CHSY3: variants seen among roughly 807,000 people sequenced by gnomAD.
The protein encoded by CHSY3 is N-acetylgalactosaminyl-proteoglycan 3-beta-glucuronosyltransferase 3.
CHSY3 carries 35 observed loss-of-function variants against 67.2 expected under a neutral mutation model. The observed-to-expected ratio is 0.52, with a 90% CI of 0.40 to 0.69. The LOEUF (loss-of-function observed/expected upper bound fraction) is 0.69, where lower values mean the gene tolerates loss of function less well. Among genes scored for constraint, CHSY3 ranks in the 30% least tolerant of loss-of-function variants. The pLI, the probability that CHSY3 is intolerant of heterozygous loss-of-function variation, is 0.00. For synonymous variants in CHSY3, 474 were observed against 434.7 expected, an observed-to-expected ratio of 1.09 and a Z score of -1.12; for missense variants, 1,069 against 1,138.5, an observed-to-expected ratio of 0.94 and a Z score of 0.88.
chr5:130,094,201 T>C (rs1033377180), intron 2 of CHSY3, among the ~76,000 whole-genome samples: 3 of 152,132 alleles, frequency 2.0e-5, no homozygotes, highest in African/African-American at 7.2e-5. Context: ...TTTTCATTCC[T>C]TTTCAGTGAA....
At chr5:130,143,163 C>A (rs1249399654) in intron 2 of CHSY3, among the ~76,000 whole-genome samples, 2 of 152,144 alleles carry the variant, frequency 1.3e-5, no homozygotes, top group African/African-American at 2.4e-5. Flanking sequence ...TTGCCTTACC[C>A]ATAAAGAGCT....
At chr5:129,960,236 A>G (rs1168368449) in intron 2 of CHSY3, among the ~76,000 whole-genome samples, 1 of 152,098 alleles carries the variant, frequency 6.6e-6, no homozygotes, top group African/African-American at 2.4e-5. Context: ...GGCATGAAGC[A>G]GACATTCACT....
chr5:130,055,708 GCTGCTGCTGCT>G (rs1765509875), intron 2 of CHSY3, among the ~76,000 whole-genome samples: 1 of 151,982 alleles, frequency 6.6e-6, no homozygotes, highest in Admixed American at 6.6e-5. Flanking sequence ...AGCAGCTGCT[GCTGCTGCTGCT>G]ACCACTGCCA....
intron 2 of CHSY3, chr5:130,141,479 A>C (rs1202115140): frequency 2.7e-6 from 1 of 365,634 alleles, no homozygotes; most frequent in Non-Finnish European, 5.4e-6. Flanking sequence ...TGGCATCCTC[A>C]ATGTCTCTCT....
At chr5:129,915,035 CTA>C (rs143095591) in intron 2 of CHSY3, among the ~76,000 whole-genome samples, 127 of 152,266 alleles carry the variant, frequency 8.3e-4, no homozygotes, top group African/African-American at 2.8e-3. Context: ...CTCCAAAAAG[CTA>C]TGTTTTGGGA....
At chr5:130,155,217 A>G (rs1769343619) in intron 2 of CHSY3, among the ~76,000 whole-genome samples, 1 of 152,154 alleles carries the variant, frequency 6.6e-6, no homozygotes, top group Non-Finnish European at 1.5e-5. Flanking sequence ...GGGCCAGCAG[A>G]TTTTCTTTGT....
In CHSY3 at chr5:130,184,841, T is replaced by C. The variant is rs770175596; in HGVS notation, c.1699T>C (p.Phe567Leu). The C allele has an allele frequency of 6.2e-7, 1 of 1,609,968 alleles. No individual in the cohort carries two copies. The highest frequency in any genetic ancestry group is 8.5e-7 in the Non-Finnish European group (1 of 1,176,200). The change falls in exon 3 of 3, where the codon TTC becomes CTC. Residue 567 changes from phenylalanine to leucine, a missense_variant. This residue lies in a region of CHSY3 where 401 missense variants were observed against 395.2 expected (regional missense o/e 1.01). Transcript: ENST00000305031. ...ACGTCATGCCTATCTTCAGCAGTTG[T>C]TCAGCAAGCCTTTCTTCAGAGAGAC... ...VRRHAYLQQL[F>L]SKPFFRETEE...
chr5:130,002,398 C>T (rs550085235), intron 2 of CHSY3, among the ~76,000 whole-genome samples: 2 of 152,210 alleles, frequency 1.3e-5, no homozygotes, highest in African/African-American at 4.8e-5. Flanking sequence ...TCTGGATGTG[C>T]CCCAGTTGCG....
intron 2 of CHSY3, chr5:130,141,801 T>G: frequency 2.5e-6 from 1 of 400,346 alleles, no homozygotes; most frequent in South Asian, 2.0e-5. Flanking sequence ...AATTTCAACA[T>G]CAAAATCTGG....
rs1228834266 is a variant in CHSY3 at position 130,087,576 on chromosome 5, GACAA to G, written c.1087-96649_1087-96646del. Among the ~76,000 whole-genome samples the G allele has an allele frequency of 1.1e-4, 16 of 151,488 alleles. No individual in the cohort carries two copies. The East Asian group carries it at 3.1e-3, about 30-fold the overall frequency. On this transcript the variant is annotated intron_variant, in intron 2 of 2. Transcript: ENST00000305031. ...CAAGCATTCTTATACACCAATAACA[GACAA>G]ACAGAGAGCCAAATCATGAGTGAAC...
chr5:130,009,126 C>A (rs1053841253), intron 2 of CHSY3, among the ~76,000 whole-genome samples: 1 of 152,072 alleles, frequency 6.6e-6, no homozygotes. Flanking sequence ...CTTGCAAAAT[C>A]GTATACAAGA....
chr5:130,056,135 T>A (rs763734173), intron 2 of CHSY3, among the ~76,000 whole-genome samples: 4 of 152,258 alleles, frequency 2.6e-5, no homozygotes, highest in Non-Finnish European at 5.9e-5. Context: ...CCTATGTGCA[T>A]CCTAACTTCT....
Position 129,904,587 on chromosome 5 carries a change from G to C in CHSY3, c.-243G>C. ...GCCGCCACCGCCGCCGCCGGGAGAA[G>C]TTTCACTCCCGACCCTTGCTCGGAG... On this transcript the variant is annotated 5_prime_UTR_variant, in exon 1 of 3. Transcript: ENST00000305031. 1 of 535,460 alleles carries C rather than the reference G, an allele frequency of 1.9e-6. No individual in the cohort carries two copies. The highest frequency in any genetic ancestry group is 2.7e-6 in the Non-Finnish European group (1 of 366,638). The allele number at this position is 535,460 out of a possible 1,614,324, so 33.2% of individuals were successfully genotyped here.
chr5:130,046,301 C>G (rs1194167138), intron 2 of CHSY3, among the ~76,000 whole-genome samples: 1 of 152,016 alleles, frequency 6.6e-6, no homozygotes, highest in Non-Finnish European at 1.5e-5. Context: ...TAACCAAATA[C>G]TATGTCTGTT....
In CHSY3 at chr5:129,905,062, C is replaced by G. The variant is rs1346767456; in HGVS notation, c.233C>G (p.Pro78Arg). The change falls in exon 1 of 3, where the codon CCC becomes CGC. Residue 78 changes from proline (P) to arginine (R), a missense_variant. Around this residue, in one of 5 missense-constraint regions of CHSY3, gnomAD observed 309 missense variants for 262.5 expected, o/e 1.18. Coordinates refer to ENST00000305031, the MANE Select transcript of CHSY3 (RefSeq NM_175856.5). ...SRPRQEQSPP[P>R]ARQDLQGPPL... ...CCACGGCAGGAGCAGTCGCCGCCCC[C>G]CGCGCGCCAGGATCTCCAGGGGCCA... 5.2e-6 allele frequency: 8 copies of G among 1,546,742 alleles called. No homozygotes were observed. The East Asian group carries it at 1.9e-4, about 37-fold the overall frequency.
At position 130,185,427 on chromosome 5, in the gene CHSY3, C is replaced by T; in HGVS notation, c.2285C>T (p.Thr762Ile). The T allele has an allele frequency of 6.2e-7, 1 of 1,613,776 alleles. No individual in the cohort carries two copies. The change falls in exon 3 of 3, where the codon ACT becomes ATT. Residue 762 changes from threonine (T) to isoleucine (I), a missense_variant. By Grantham distance (89) the Thr-to-Ile change is moderately conservative. Transcript: ENST00000305031. Reference protein sequence around the residue: ...PKVTNGGNPPTDDYFIFSKKT... With the variant: ...PKVTNGGNPPIDDYFIFSKKT... ...GTAACAAACGGGGGAAATCCTCCCACTGATGATTACTTCATATTCTCAAAA... is the reference window on the plus strand; with the variant it reads ...GTAACAAACGGGGGAAATCCTCCCATTGATGATTACTTCATATTCTCAAAA...
intron 2 of CHSY3, among the ~76,000 whole-genome samples, chr5:129,913,426 A>G (rs1166474350): frequency 6.6e-6 from 1 of 152,228 alleles, no homozygotes; most frequent in Non-Finnish European, 1.5e-5. Flanking sequence ...TTTGGCCATT[A>G]AAATTGTATA....
chr5:130,113,731 T>C (rs1366750825), intron 2 of CHSY3, among the ~76,000 whole-genome samples: 1 of 152,154 alleles, frequency 6.6e-6, no homozygotes, highest in Admixed American at 6.6e-5. Context: ...ATCAGAGTTG[T>C]TTCACCAGCC....
rs143781561 is a variant in CHSY3 at position 129,968,790 on chromosome 5, G to T, written c.1086+60430G>T. 2.0e-3 allele frequency among the ~76,000 whole-genome samples: 310 copies of T among 151,898 alleles called. 1 individual carries two copies. Among genetic ancestry groups the T allele is most frequent in the African/African-American group, 6.3e-3 (262 of 41,500 alleles). On this transcript the variant is annotated intron_variant, in intron 2 of 2. Coordinates refer to ENST00000305031, the MANE Select transcript of CHSY3 (RefSeq NM_175856.5). ...ACACTTTTCTTCTTAAGATTATCCA[G>T]GCTCAAGGCAGTGTTTCCCAAAGTG... is the stretch of plus-strand genomic sequence containing the variant.
Sources: gnomAD v4.1 joint callset for allele counts (sites outside exome capture counted in the v4.1 genomes callset) on GRCh38, gnomAD v4.1.1 for gene constraint, gnomAD v4.1.1 regional missense constraint, MANE v1.5 for transcripts, NCBI Gene and HGNC (gene_info 2026-07-23, HGNC 2026-07-21) for gene names.